Variants in SYNE2 observed in about 807,000 individuals in gnomAD.
SYNE2 encodes the protein spectrin repeat containing nuclear envelope protein 2, also known as nesprin-2.
Under a neutral mutation model 856.3 loss-of-function variants are expected in SYNE2, and 431 were observed. The ratio of observed to expected loss-of-function variants is 0.50; its 90% CI spans 0.47 to 0.55. The LOEUF is 0.55. Ranked by LOEUF, SYNE2 falls within the 20% of genes least tolerant of loss-of-function variation. SYNE2 has a pLI of 0.00. For missense variants in SYNE2, 8,129 were observed against 8,023.2 expected (o/e 1.01, Z -0.50); for synonymous variants, 2,923 against 2,872.3 (o/e 1.02, Z -0.56).
intron 1 of SYNE2, among the ~76,000 whole-genome samples, chr14:63,839,245 G>A (rs1053234056): frequency 2.0e-5 from 3 of 151,870 alleles, no homozygotes; most frequent in African/African-American, 7.3e-5. Context: ...TAGCCAGGAT[G>A]TTCTCCATCT....
chr14:63,948,436 G>T (rs890468527), intron 6 of SYNE2, among the ~76,000 whole-genome samples: 34 of 151,950 alleles, frequency 2.2e-4, no homozygotes, highest in Non-Finnish European at 4.4e-4. Context: ...GGCTGAGGCA[G>T]GCAGATCACA....
At chr14:64,222,174 A>AAGGTG (rs763187713) in intron 112 of SYNE2, among the ~76,000 whole-genome samples, 1 of 152,212 alleles carries the variant, frequency 6.6e-6, no homozygotes, top group Non-Finnish European at 1.5e-5. Flanking sequence ...ACTGGTGCTC[A>AAGGTG]AGGTGACATT....
In SYNE2 at chr14:63,995,194, G is replaced by T; in HGVS notation, c.2932G>T (p.Glu978Ter). Residue 978 changes from glutamate (E) to a stop codon, truncating the protein, a stop_gained, in exon 23 of 116, where the codon GAA becomes TAA. Transcript: ENST00000555002. LOFTEE classifies it high-confidence loss of function. The part of the protein sequence containing the change: ...RRGRTKGLIK[E>*]HEACFSEEGC... ...AGGAAGGACCAAGGGTCTCATCAAA[G>T]AACATGAGGTACAATAAAGTGTTTC... The T allele has an allele frequency of 1.2e-6, 2 of 1,606,436 alleles. No homozygotes were observed. Among genetic ancestry groups the T allele is most frequent in the South Asian group, 2.2e-5 (2 of 90,488 alleles).
chr14:63,803,616 C>T (rs745523543), intron 1 of SYNE2, among the ~76,000 whole-genome samples: 2 of 152,208 alleles, frequency 1.3e-5, no homozygotes, highest in South Asian at 2.1e-4. Context: ...CAAGCACGCA[C>T]GCAGCCCCGG....
chr14:64,002,215 AT>A, intron 29 of SYNE2, 134 bp downstream of exon 29: 1 of 799,306 alleles, frequency 1.3e-6, no homozygotes, highest in Non-Finnish European at 2.0e-6. Context: ...TTTTTCAGTA[AT>A]TTAGACTTGT....
At chr14:63,815,723 A>G (rs939285305) in intron 1 of SYNE2, among the ~76,000 whole-genome samples, 6 of 152,198 alleles carry the variant, frequency 3.9e-5, no homozygotes, top group African/African-American at 1.2e-4. Context: ...ACATCACCAT[A>G]ACAACTCAGG....
At chr14:63,985,368 A>G (rs958516137) in intron 18 of SYNE2, among the ~76,000 whole-genome samples, 2 of 151,190 alleles carry the variant, frequency 1.3e-5, no homozygotes, top group African/African-American at 2.4e-5. Context: ...TGTGTACTCC[A>G]TAAATATAAG....
chr14:63,844,354 T>C (rs1264562524), intron 1 of SYNE2, among the ~76,000 whole-genome samples: 1 of 152,208 alleles, frequency 6.6e-6, no homozygotes, highest in African/African-American at 2.4e-5. Context: ...TGGTAGCTCA[T>C]TTCTTTTTAG....
chr14:64,040,206 A>G (rs1020247058), intron 45 of SYNE2, among the ~76,000 whole-genome samples: 1 of 152,198 alleles, frequency 6.6e-6, no homozygotes, highest in East Asian at 1.9e-4. Flanking sequence ...ATGAATGAAT[A>G]AATAAATAGC....
chr14:63,894,752 T>C (rs2095216007), intron 1 of SYNE2, among the ~76,000 whole-genome samples: 1 of 152,214 alleles, frequency 6.6e-6, no homozygotes. Flanking sequence ...TGAATAATAA[T>C]TCATTATGGC....
At chr14:63,938,960 G>T (rs1314924727) in intron 2 of SYNE2, among the ~76,000 whole-genome samples, 2 of 152,116 alleles carry the variant, frequency 1.3e-5, no homozygotes, top group African/African-American at 4.8e-5. Context: ...GCATGTGTGC[G>T]CTTGCATGTG....
intron 1 of SYNE2, among the ~76,000 whole-genome samples, chr14:63,784,552 GTC>G (rs1373430545): frequency 1.3e-5 from 2 of 152,102 alleles, no homozygotes; most frequent in South Asian, 2.1e-4. Flanking sequence ...GTAGAGATGG[GTC>G]TCTCTATGTT....
At chr14:63,799,240 G>A (rs1437369150) in intron 1 of SYNE2, among the ~76,000 whole-genome samples, 3 of 151,948 alleles carry the variant, frequency 2.0e-5, no homozygotes, top group Non-Finnish European at 4.4e-5. Flanking sequence ...CACCATGCCT[G>A]GCTAATTTTC....
rs529200887 is a variant in SYNE2 at position 64,170,578 on chromosome 14, AGT to A, written c.17235+120_17235+121del. The A allele has an allele frequency of 1.1e-3, 1,171 of 1,089,436 alleles. 3 individuals carry two copies. The highest frequency in any genetic ancestry group is 1.4e-3 in the Non-Finnish European group (1,047 of 735,700). The allele number at this position is 1,089,436 out of a possible 1,614,324, so 67.5% of individuals were successfully genotyped here. A position where few individuals can be genotyped will look rare whatever the true frequency, so the allele number is the denominator to read the frequency against. ...GATGTGATCCAAGTGGGCTCTCTGCAGTGTGAGGCCAGCAAGGTGCAGTCACC... is the reference window on the plus strand; with the variant it reads ...GATGTGATCCAAGTGGGCTCTCTGCAGTGAGGCCAGCAAGGTGCAGTCACC... On this transcript the variant is annotated intron_variant, in intron 94 of 115. Coordinates refer to ENST00000555002, the MANE Select transcript of SYNE2 (RefSeq NM_182914.3).
At chr14:63,766,075 G>A (rs1858677705) in intron 1 of SYNE2, among the ~76,000 whole-genome samples, 1 of 147,064 alleles carries the variant, frequency 6.8e-6, no homozygotes, top group African/African-American at 2.6e-5. Context: ...AAAATCTCTT[G>A]AGTGGATTTT....
At chr14:63,814,632 A>C (rs1164863264) in intron 1 of SYNE2, among the ~76,000 whole-genome samples, 1 of 133,602 alleles carries the variant, frequency 7.5e-6, no homozygotes, top group African/African-American at 2.7e-5. Flanking sequence ...ATATATCCTT[A>C]TATATCCATA....
At chr14:64,215,841 C>A in intron 107 of SYNE2, 1 of 785,732 alleles carries the variant, frequency 1.3e-6, no homozygotes, top group Non-Finnish European at 1.8e-6. Context: ...CCATCCCTAT[C>A]TGCCATGGTG....
rs769204873 is a variant in SYNE2, at chr14:64,132,374, C to T, written c.14450C>T (p.Thr4817Ile). 1 of 1,614,076 alleles carries T rather than the reference C, an allele frequency of 6.2e-7. No individual in the cohort carries two copies. The change falls in exon 77 of 116, where the codon ACA (threonine) becomes ATA (isoleucine). Residue 4817 changes from threonine (T) to isoleucine (I), a missense_variant. Physicochemically the swap from Thr to Ile is moderately conservative, Grantham distance 89. This residue lies in a region of SYNE2 where 5,410 missense variants were observed against 5,284.8 expected (regional missense o/e 1.02). Transcript: ENST00000555002. ...GAGACATTTTGGGCAGAACAAGTAA[C>T]AGAAGTTAAAATACTAGAAGAAAAG... ...NRETFWAEQVTEVKILEEKSR... is the reference protein window; with the variant it reads ...NRETFWAEQVIEVKILEEKSR...
intron 21 of SYNE2, among the ~76,000 whole-genome samples, chr14:63,991,658 A>T (rs370694975): frequency 6.6e-6 from 1 of 152,218 alleles, no homozygotes; most frequent in Admixed American, 6.5e-5. Flanking sequence ...GTTGCAGCTT[A>T]AGATGTCACC....
Sources: gnomAD v4.1 joint callset for allele counts (sites outside exome capture counted in the v4.1 genomes callset) on GRCh38, gnomAD v4.1.1 for gene constraint, gnomAD v4.1.1 regional missense constraint, MANE v1.5 for transcripts, NCBI Gene and HGNC (gene_info 2026-07-23, HGNC 2026-07-21) for gene names.